Variants in UBA5 observed in about 807,000 individuals in gnomAD.
The protein encoded by UBA5 is ubiquitin-like modifier-activating enzyme 5.
UBA5 carries 28 observed loss-of-function variants against 52.9 expected under a neutral mutation model. That is an observed-to-expected ratio of 0.53 (90% confidence interval 0.39 to 0.73). UBA5 has a LOEUF of 0.73. Ranked by LOEUF, UBA5 falls within the 30% of genes least tolerant of loss-of-function variation. The pLI, the probability that UBA5 is intolerant of heterozygous loss-of-function variation, is 0.00. For synonymous variants in UBA5, 135 were observed against 162.1 expected, an observed-to-expected ratio of 0.83 and a Z score of 1.27; for missense variants, 388 against 492.7, an observed-to-expected ratio of 0.79 and a Z score of 2.01.
upstream of UBA5, chr3:132,659,757 C>A: frequency 6.3e-7 from 1 of 1,583,904 alleles, no homozygotes. Context: ...TTCATGATCA[C>A]CCCCGCAGGC....
upstream of UBA5, among the ~76,000 whole-genome samples, chr3:132,656,003 C>T (rs749372183): frequency 2.6e-5 from 4 of 152,152 alleles, no homozygotes; most frequent in African/African-American, 4.8e-5. Context: ...TTTCACTACC[C>T]GGAGAAAATT....
At chr3:132,675,712 T>G (rs2305629) in intron 10 of UBA5, 32 bp downstream of exon 10, 2 of 1,567,774 alleles carry the variant, frequency 1.3e-6, no homozygotes, top group Non-Finnish European at 1.7e-6. Context: ...GAAATGGCAG[T>G]ATAAAACAAA....
chr3:132,658,829 T>G (rs139527858), upstream of UBA5, among the ~76,000 whole-genome samples: 105 of 152,304 alleles, frequency 6.9e-4, 1 homozygote, highest in African/African-American at 2.0e-3. Flanking sequence ...TCACCTATAT[T>G]ACGGTATTTC....
intron 1 of UBA5, among the ~76,000 whole-genome samples, chr3:132,663,440 T>C (rs1280345820): frequency 6.6e-6 from 1 of 152,202 alleles, no homozygotes; most frequent in Admixed American, 6.5e-5. Context: ...GTTTACATGC[T>C]GAATGCTGTG....
Position 132,665,803 on chromosome 3 carries a change from A to G in UBA5, c.162-20A>G, listed in dbSNP as rs781682144. Reference sequence around the variant, plus strand: ...CCTAAAAGACTGTAAGCTTTAAAACATATTTTTCTTTGTTTTAAGCCGCTT... The same window carrying G: ...CCTAAAAGACTGTAAGCTTTAAAACGTATTTTTCTTTGTTTTAAGCCGCTT... On this transcript the variant is annotated intron_variant, in intron 1 of 11. Transcript: ENST00000356232. 2.5e-6 allele frequency: 4 copies of G among 1,611,354 alleles called. No individual in the cohort carries two copies. In the South Asian group the frequency reaches 4.4e-5, roughly 18 times the overall value.
chr3:132,660,929 C>T lies in UBA5; in HGVS notation c.161+231C>T. ...CAGCCATATGGTGCTGCTCCTGTGC[C>T]TGCTGAGGACGTGTGTCCAGTTTCC... On this transcript the variant is annotated intron_variant, in intron 1 of 11. Coordinates refer to ENST00000356232, the MANE Select transcript of UBA5 (RefSeq NM_024818.6). This position sits in a 1 kb window ranked among gnomAD's most constrained non-coding sequence, Gnocchi z 4.1. 1 of 1,486,624 alleles carries T rather than the reference C, an allele frequency of 6.7e-7. No individual in the cohort carries two copies. Among genetic ancestry groups the T allele is most frequent in the Non-Finnish European group, 8.9e-7 (1 of 1,120,532 alleles). 92.1% of individuals were successfully genotyped at this position (1,486,624 alleles called of 1,614,324 possible).
In UBA5 at chr3:132,660,551, T is replaced by C. The variant is rs1938095542; in HGVS notation, c.14T>C (p.Val5Ala). ...GGAGTCCCAGCCATGGCGGAGTCTG[T>C]GGAGCGCCTGCAGCAGCGGGTCCAG... MAES[V>A]ERLQQRVQEL... Residue 5 changes from valine (V) to alanine (A), a missense_variant, in exon 1 of 12, where the codon GTG (valine) becomes GCG (alanine). By Grantham distance (64) the Val-to-Ala change is moderately conservative (BLOSUM62 0). This residue lies in a region of UBA5 where 95 missense variants were observed against 107.0 expected (regional missense o/e 0.89). Transcript: ENST00000356232. The surrounding 1 kb of genome is among the most constrained non-coding windows in gnomAD (Gnocchi z 4.1). 6.5e-7 allele frequency: 1 copy of C among 1,549,114 alleles called. No individual in the cohort carries two copies. The highest frequency in any genetic ancestry group is 8.7e-7 in the Non-Finnish European group (1 of 1,147,080).
chr3:132,656,105 T>C (rs1362314451), upstream of UBA5, among the ~76,000 whole-genome samples: 3 of 152,226 alleles, frequency 2.0e-5, no homozygotes, highest in South Asian at 4.1e-4. Context: ...TCTCTGTATA[T>C]AATATACTGT....
chr3:132,656,461 TG>T (rs2107911034), upstream of UBA5, among the ~76,000 whole-genome samples: 1 of 152,050 alleles, frequency 6.6e-6, no homozygotes, highest in Admixed American at 6.5e-5. Context: ...TATGAGTCCC[TG>T]TTGCCCCATA....
upstream of UBA5, chr3:132,659,424 AAGCCCCC>A: frequency 1.3e-6 from 1 of 762,566 alleles, no homozygotes; most frequent in South Asian, 2.0e-5. Context: ...TCCAATTGGG[AAGCCCCC>A]AGCATCGAAT....
upstream of UBA5, chr3:132,659,636 T>A (rs1395919386): frequency 6.2e-7 from 1 of 1,610,622 alleles, no homozygotes; most frequent in Non-Finnish European, 8.5e-7. Flanking sequence ...AGCCTCACGT[T>A]CGGCCCCAAA....
upstream of UBA5, among the ~76,000 whole-genome samples, chr3:132,655,841 G>A (rs1306928895): frequency 6.6e-6 from 1 of 152,168 alleles, no homozygotes; most frequent in Non-Finnish European, 1.5e-5. Flanking sequence ...GTTGTATCAA[G>A]CTATATAATA....
At position 132,678,286 on chromosome 3, in the gene UBA5, C is replaced by T. The variant is rs374731429; in HGVS notation, c.*1760C>T. 1.3e-5 allele frequency among the ~76,000 whole-genome samples: 2 copies of T among 152,114 alleles called. No individual in the cohort carries two copies. The highest frequency in any genetic ancestry group is 2.9e-5 in the Non-Finnish European group (2 of 68,018). On this transcript the variant is annotated 3_prime_UTR_variant, in exon 12 of 12. Transcript: ENST00000356232. The stretch of plus-strand genomic sequence containing the variant: ...ATAGAGATGTTGCTATCCTAGAATA[C>T]TCTCTTGACAGTCTGTATGCCATGA...
chr3:132,669,022 A>AAT (rs1429380478), intron 4 of UBA5, 95 bp downstream of exon 4: 53 of 906,736 alleles, frequency 5.8e-5, no homozygotes, highest in Non-Finnish European at 7.8e-5. Flanking sequence ...TTTTCTCTAT[A>AAT]AAATGCAGTT....
Position 132,675,938 on chromosome 3 carries a change from T to C in UBA5, c.1131+15T>C. The C allele has an allele frequency of 2.0e-6, 3 of 1,484,558 alleles. No individual in the cohort carries two copies. Among genetic ancestry groups the C allele is most frequent in the Non-Finnish European group, 9.3e-7 (1 of 1,076,498 alleles). The allele number at this position is 1,484,558 out of a possible 1,614,324, so 92.0% of individuals were successfully genotyped here. On this transcript the variant is annotated intron_variant, in intron 11 of 11. Transcript: ENST00000356232. ...TTCCAAAAAAGGTACTTCAAAAATA[T>C]GATTTACCCATATGTAAATATCATA... is the stretch of plus-strand genomic sequence containing the variant.
chr3:132,659,624 G>C, upstream of UBA5: 1 of 1,610,084 alleles, frequency 6.2e-7, no homozygotes, highest in Non-Finnish European at 8.5e-7. Context: ...AATGGTCAGC[G>C]TAGCCTCACG....
intron 3 of UBA5, chr3:132,667,230 C>T (rs751548424): frequency 6.6e-6 from 1 of 152,190 alleles, no homozygotes; most frequent in Non-Finnish European, 1.5e-5. Context: ...CCAAATGATT[C>T]ATTTGCATAT....
chr3:132,675,998 G>C, intron 11 of UBA5, 75 bp downstream of exon 11: 1 of 986,282 alleles, frequency 1.0e-6, no homozygotes, highest in Admixed American at 2.6e-5. Flanking sequence ...AATTTGTAAT[G>C]CCAATGAAGT....
intron 1 of UBA5, among the ~76,000 whole-genome samples, chr3:132,664,612 G>A (rs1189262685): frequency 6.6e-6 from 1 of 152,132 alleles, no homozygotes; most frequent in East Asian, 1.9e-4. Context: ...GGTGATTATA[G>A]GGTAGGGCCT....
Sources: gnomAD v4.1 joint callset for allele counts (sites outside exome capture counted in the v4.1 genomes callset) on GRCh38, gnomAD v4.1.1 for gene constraint, gnomAD v4.1.1 regional missense constraint, Gnocchi (gnomAD v3.1) non-coding constraint, MANE v1.5 for transcripts, NCBI Gene and HGNC (gene_info 2026-07-23, HGNC 2026-07-21) for gene names.